Variants in CYP39A1 observed in about 807,000 individuals in gnomAD.
CYP39A1 encodes 24-hydroxycholesterol 7-alpha-hydroxylase.
In CYP39A1, 49 loss-of-function variants were observed where a neutral mutation model predicts 58.1. The observed-to-expected ratio is 0.84, with a 90% CI of 0.67 to 1.07. The LOEUF is 1.07. Among genes scored for constraint, CYP39A1 ranks in the 50% least tolerant of loss-of-function variants. The probability of loss-of-function intolerance (pLI) is 0.00; values close to 1 mark genes in which losing one functional copy is unlikely to be tolerated. For missense variants in CYP39A1, 531 were observed against 539.4 expected, an observed-to-expected ratio of 0.98 and a Z score of 0.16; for synonymous variants, 209 against 187.6, an observed-to-expected ratio of 1.11 and a Z score of -0.93.
Position 46,553,754 on chromosome 6 carries a change from T to C in CYP39A1, c.1338+13A>G. On this transcript the variant is annotated intron_variant, in intron 11 of 11. Transcript: ENST00000275016. ...TAAGTAGTCATGATACTCAAAATTC[T>C]GAAAACACTTACCTGTTTGGGTAAT... The C allele has an allele frequency of 6.4e-7, 1 of 1,573,744 alleles. No homozygotes were observed. Among genetic ancestry groups the C allele is most frequent in the Admixed American group, 1.7e-5 (1 of 59,184 alleles).
Position 46,636,972 on chromosome 6 carries a change from G to A in CYP39A1, c.639-490C>T, listed in dbSNP as rs368672543. On this transcript the variant is annotated intron_variant, in intron 4 of 11. Transcript: ENST00000275016. ...TATATGTTGAAATCCTAACCCCCAA[G>A]GTGATGTCATTAGGAGGTGGGGGTC... Among the ~76,000 whole-genome samples, 22 of 152,184 alleles carry A rather than the reference G, an allele frequency of 1.4e-4. 2 individuals are homozygous for A. The highest frequency in any genetic ancestry group is 1.3e-3 in the Admixed American group (20 of 15,286).
At chr6:46,613,600 AT>A (rs1381671147) in intron 7 of CYP39A1, among the ~76,000 whole-genome samples, 1 of 152,186 alleles carries the variant, frequency 6.6e-6, no homozygotes, top group Non-Finnish European at 1.5e-5. Flanking sequence ...CAGCAAAAAA[AT>A]AAAATAAAAT....
At chr6:46,641,722 A>G (rs1006769741) in intron 2 of CYP39A1, among the ~76,000 whole-genome samples, 7 of 152,194 alleles carry the variant, frequency 4.6e-5, no homozygotes, top group Middle Eastern at 3.2e-3. Flanking sequence ...TAACAGCCCT[A>G]TAAAATTTGT....
At chr6:46,639,388 A>G in intron 3 of CYP39A1, 106 bp downstream of exon 3, 2 of 1,076,088 alleles carry the variant, frequency 1.9e-6, no homozygotes, top group Non-Finnish European at 2.7e-6. Context: ...CTAGTTAGGT[A>G]GATTTCATTA....
intron 3 of CYP39A1, among the ~76,000 whole-genome samples, chr6:46,638,279 T>C (rs1344116205): frequency 6.6e-6 from 1 of 152,160 alleles, no homozygotes; most frequent in East Asian, 1.9e-4. Flanking sequence ...AATTCAACAA[T>C]AATTTATTTA....
chr6:46,640,814 A>C lies in CYP39A1; in HGVS notation c.314-1146T>G, dbSNP rs1158289850. The stretch of plus-strand genomic sequence containing the variant: ...GTAGTCCCCTGTGTCCATTGTTGTC[A>C]TTTTATTGAAGTAACTTTTTCAAAG... On this transcript the variant is annotated intron_variant, in intron 2 of 11. Transcript: ENST00000275016. 2.4e-5 allele frequency among the ~76,000 whole-genome samples: 3 copies of C among 127,370 alleles called. No homozygotes were observed. In the East Asian group the frequency reaches 7.9e-4, roughly 34 times the overall value. The allele number at this position is 127,370 out of a possible 152,430, so 83.6% of individuals were successfully genotyped here.
At chr6:46,553,562 C>A (rs1170539395) in intron 11 of CYP39A1, among the ~76,000 whole-genome samples, 1 of 152,124 alleles carries the variant, frequency 6.6e-6, no homozygotes, top group Non-Finnish European at 1.5e-5. Context: ...AAGTCCCAGT[C>A]AGGTAGTAAT....
intron 7 of CYP39A1, among the ~76,000 whole-genome samples, chr6:46,613,245 C>T (rs1033838904): frequency 2.6e-5 from 4 of 152,192 alleles, no homozygotes; most frequent in Admixed American, 6.5e-5. Context: ...AGGTAACAGA[C>T]GCTGGCCATC....
intron 1 of CYP39A1, among the ~76,000 whole-genome samples, chr6:46,650,111 TACACACAC>T (rs3085603): frequency 2.0e-5 from 3 of 146,944 alleles, no homozygotes; most frequent in African/African-American, 5.0e-5. Flanking sequence ...TTACTACATT[TACACACAC>T]ACACACACAC....
intron 10 of CYP39A1, among the ~76,000 whole-genome samples, chr6:46,556,061 C>T (rs935265922): frequency 1.3e-5 from 2 of 152,198 alleles, no homozygotes; most frequent in African/African-American, 4.8e-5. Context: ...GAATGTCTCA[C>T]AACTAAGGTT....
At chr6:46,606,565 G>A (rs1480453691) in intron 7 of CYP39A1, among the ~76,000 whole-genome samples, 1 of 152,016 alleles carries the variant, frequency 6.6e-6, no homozygotes, top group African/African-American at 2.4e-5. Flanking sequence ...AATGGAGACA[G>A]GGACCAGTAC....
chr6:46,621,340 AAAAATCACTAGGAAAAAT>A (rs1774943364), intron 7 of CYP39A1, among the ~76,000 whole-genome samples: 1 of 151,616 alleles, frequency 6.6e-6, no homozygotes, highest in African/African-American at 2.4e-5. Flanking sequence ...AATTAAATAC[AAAAATCACTAGGAAAAAT>A]AAAATCAAGT....
Position 46,642,161 on chromosome 6 carries a change from A to G in CYP39A1, c.313+2T>C, listed in dbSNP as rs746290236. ...AATGGACTATCTGAAAATATTCTTT[A>G]CCTGTACGATAAACGATATTTTGCA... On this transcript the variant is annotated splice_donor_variant, in intron 2 of 11. Transcript: ENST00000275016. LOFTEE classifies it high-confidence loss of function. 7 of 1,612,440 alleles carry G rather than the reference A, an allele frequency of 4.3e-6. No homozygotes were observed. The East Asian group carries it at 1.1e-4, about 26-fold the overall frequency.
At chr6:46,551,460 T>C (rs1484472224) in intron 11 of CYP39A1, among the ~76,000 whole-genome samples, 3 of 152,108 alleles carry the variant, frequency 2.0e-5, no homozygotes, top group Non-Finnish European at 4.4e-5. Context: ...AAAGTTGACT[T>C]TTCCTTAATG....
intron 7 of CYP39A1, among the ~76,000 whole-genome samples, chr6:46,608,597 A>G (rs1471709698): frequency 1.3e-5 from 2 of 152,008 alleles, no homozygotes; most frequent in African/African-American, 2.4e-5. Flanking sequence ...TACCATTCAC[A>G]ATAGGTTTTA....
intron 10 of CYP39A1, among the ~76,000 whole-genome samples, chr6:46,580,116 A>G (rs1231032009): frequency 2.0e-5 from 3 of 152,212 alleles, no homozygotes; most frequent in African/African-American, 7.2e-5. Context: ...CTACAAGGCC[A>G]CAGTAACCCA....
chr6:46,555,009 A>G lies in CYP39A1; in HGVS notation c.1251-1155T>C, dbSNP rs560533887. On this transcript the variant is annotated intron_variant, in intron 10 of 11. Transcript: ENST00000275016. ...CACTGGAGTAAACTTTCTAAAACAC[A>G]TATCTTCACTATCTCCTCATTACAC... Among the ~76,000 whole-genome samples, 5 of 151,784 alleles carry G rather than the reference A, an allele frequency of 3.3e-5. No individual in the cohort carries two copies. In the South Asian group the frequency reaches 1.0e-3, roughly 32 times the overall value.
At chr6:46,636,334 A>C in intron 5 of CYP39A1, 55 bp downstream of exon 5, 1 of 1,327,320 alleles carries the variant, frequency 7.5e-7, no homozygotes, top group Admixed American at 1.9e-5. Flanking sequence ...ATATTTTAAC[A>C]ACAATAATTT....
In CYP39A1 at chr6:46,642,245, A is replaced by C; in HGVS notation, c.231T>G (p.Thr77=). 1.2e-6 allele frequency: 2 copies of C among 1,612,932 alleles called. No homozygotes were observed. Among genetic ancestry groups the C allele is most frequent in the South Asian group, 1.1e-5 (1 of 91,040 alleles). The change falls in exon 2 of 12, where the codon ACT becomes ACG. Residue 77 remains threonine (T), a synonymous_variant. Coordinates refer to ENST00000275016, the MANE Select transcript of CYP39A1 (RefSeq NM_016593.5). Reference sequence around the variant, plus strand: ...GAAACACATTAATTCCTTCTTCTTCAGTAACAAAGGTCATTCGGTTTCCCA... The same window carrying C: ...GAAACACATTAATTCCTTCTTCTTCCGTAACAAAGGTCATTCGGTTTCCCA... The part of the protein sequence containing the change: ...FAMGNRMTFV[T]EEEGINVFLK...
Sources: gnomAD v4.1 joint callset for allele counts (sites outside exome capture counted in the v4.1 genomes callset) on GRCh38, gnomAD v4.1.1 for gene constraint, MANE v1.5 for transcripts, NCBI Gene and HGNC (gene_info 2026-07-23, HGNC 2026-07-21) for gene names.